The following CACNA2D3 variants were observed in gnomAD, a reference collection of about 807,000 sequenced individuals.
The protein encoded by CACNA2D3 is voltage-dependent calcium channel subunit alpha-2/delta-3.
CACNA2D3 carries 60 observed loss-of-function variants against 160.6 expected under a neutral mutation model. The ratio of observed to expected loss-of-function variants is 0.37; its 90% CI spans 0.30 to 0.46. The LOEUF (loss-of-function observed/expected upper bound fraction) is 0.46. Among genes scored for constraint, CACNA2D3 ranks in the 20% least tolerant of loss-of-function variants. The pLI, the probability that CACNA2D3 is intolerant of heterozygous loss-of-function variation, is 1.00. For missense variants in CACNA2D3, 1,205 were observed against 1,365.0 expected (o/e 0.88, Z 1.85); for synonymous variants, 558 against 492.9 (o/e 1.13, Z -1.75).
intron 29 of CACNA2D3, among the ~76,000 whole-genome samples, 191 bp downstream of exon 29, chr3:54,970,035 A>T (rs1386555255): frequency 1.3e-5 from 2 of 151,608 alleles, no homozygotes; most frequent in East Asian, 3.9e-4. Context: ...CCATCAGTTT[A>T]TGACAGCTGG....
At chr3:54,130,639 T>C (rs947217636) in intron 2 of CACNA2D3, among the ~76,000 whole-genome samples, 1 of 152,212 alleles carries the variant, frequency 6.6e-6, no homozygotes, top group Admixed American at 6.5e-5. Flanking sequence ...CTGGCAGAAC[T>C]GAAGCAGCCT....
At chr3:54,801,433 ATTCACCTTC>A (rs1417618447) in intron 13 of CACNA2D3, among the ~76,000 whole-genome samples, 1 of 152,142 alleles carries the variant, frequency 6.6e-6, no homozygotes, top group Non-Finnish European at 1.5e-5. Flanking sequence ...TTAACCAGTA[ATTCACCTTC>A]TTGAAAAGTT....
intron 13 of CACNA2D3, among the ~76,000 whole-genome samples, chr3:54,773,503 A>G (rs1277763037): frequency 6.6e-6 from 1 of 152,210 alleles, no homozygotes. Context: ...TGGGACCTCT[A>G]TTTCATAGCA....
chr3:54,176,945 C>T (rs1161416238), intron 2 of CACNA2D3, among the ~76,000 whole-genome samples: 1 of 152,150 alleles, frequency 6.6e-6, no homozygotes, highest in African/African-American at 2.4e-5. Flanking sequence ...CCTTGGTTTC[C>T]AGTATAGCCC....
chr3:54,164,039 A>G (rs1700401458), intron 2 of CACNA2D3, among the ~76,000 whole-genome samples: 1 of 152,210 alleles, frequency 6.6e-6, no homozygotes. Context: ...ATGGCCAGCC[A>G]CGCGGTGGAG....
intron 35 of CACNA2D3, among the ~76,000 whole-genome samples, chr3:55,071,646 A>G (rs547469672): frequency 6.6e-6 from 1 of 152,202 alleles, no homozygotes; most frequent in South Asian, 2.1e-4. Flanking sequence ...GGAAGCTTTT[A>G]GGATTGGTCT....
At chr3:54,514,920 CT>C (rs1317417419) in intron 5 of CACNA2D3, among the ~76,000 whole-genome samples, 3 of 152,138 alleles carry the variant, frequency 2.0e-5, no homozygotes, top group African/African-American at 7.2e-5. Context: ...CACTATCTAC[CT>C]GAGATGTTCA....
chr3:54,637,341 G>T (rs990933509), intron 10 of CACNA2D3, among the ~76,000 whole-genome samples: 1 of 151,638 alleles, frequency 6.6e-6, no homozygotes, highest in East Asian at 1.9e-4. Context: ...GGGTTAAGGT[G>T]GGGGGATACA....
intron 9 of CACNA2D3, among the ~76,000 whole-genome samples, chr3:54,616,516 T>G (rs1278226525): frequency 6.6e-6 from 1 of 152,144 alleles, no homozygotes; most frequent in Non-Finnish European, 1.5e-5. Flanking sequence ...ACATTCTCTT[T>G]GTTGCAGACA....
chr3:54,901,223 C>G (rs1165786359), intron 27 of CACNA2D3: 1 of 152,236 alleles, frequency 6.6e-6, no homozygotes. Flanking sequence ...AGGCCACATG[C>G]AGCAGCTGTC....
At chr3:55,005,393 A>G (rs1042638632) in intron 32 of CACNA2D3, among the ~76,000 whole-genome samples, 1 of 152,260 alleles carries the variant, frequency 6.6e-6, no homozygotes, top group African/African-American at 2.4e-5. Flanking sequence ...GGATTAATGC[A>G]GCAGCCCCTT....
intron 2 of CACNA2D3, among the ~76,000 whole-genome samples, chr3:54,318,532 A>G (rs1703919004): frequency 6.6e-6 from 1 of 152,000 alleles, no homozygotes. Context: ...TCCAGGGTCA[A>G]CTTAATGCTG....
chr3:54,237,510 C>T (rs1051033114), intron 2 of CACNA2D3, among the ~76,000 whole-genome samples: 2 of 152,038 alleles, frequency 1.3e-5, no homozygotes, highest in Non-Finnish European at 2.9e-5. Flanking sequence ...AAATACAGGT[C>T]CAAAGCATTT....
chr3:54,390,599 G>T (rs958041886), intron 4 of CACNA2D3, among the ~76,000 whole-genome samples: 1 of 152,190 alleles, frequency 6.6e-6, no homozygotes, highest in Non-Finnish European at 1.5e-5. Flanking sequence ...TCCTCTATGG[G>T]TCAAAGTAAA....
At chr3:55,013,372 C>A (rs1357829689) in intron 34 of CACNA2D3, among the ~76,000 whole-genome samples, 1 of 152,204 alleles carries the variant, frequency 6.6e-6, no homozygotes, top group African/African-American at 2.4e-5. Context: ...TGACAGCCCT[C>A]TGCTGGGCAT....
intron 17 of CACNA2D3, among the ~76,000 whole-genome samples, chr3:54,853,798 A>G (rs1224308802): frequency 1.3e-5 from 2 of 152,136 alleles, no homozygotes; most frequent in Non-Finnish European, 2.9e-5. Flanking sequence ...TCTCCCCAGG[A>G]TCACTGACCT....
chr3:54,253,662 G>A (rs1345463624), intron 2 of CACNA2D3, among the ~76,000 whole-genome samples: 15 of 152,164 alleles, frequency 9.9e-5, no homozygotes, highest in Non-Finnish European at 1.5e-5. Context: ...TATGTGTTTT[G>A]ATTTGGAGGA....
chr3:54,885,997 A>G (rs76765468), intron 23 of CACNA2D3, among the ~76,000 whole-genome samples: 74 of 152,292 alleles, frequency 4.9e-4, no homozygotes, highest in Admixed American at 1.1e-3. Context: ...TAGGGTCACG[A>G]CGGGGACACG....
chr3:54,862,391 ACACACACACACACG>A (rs1559608030), intron 17 of CACNA2D3, among the ~76,000 whole-genome samples: 1 of 151,902 alleles, frequency 6.6e-6, no homozygotes, highest in Non-Finnish European at 1.5e-5. Flanking sequence ...ACACACACAC[ACACACACACACACG>A]CACACACACG....
Sources: gnomAD v4.1 joint callset for allele counts (sites outside exome capture counted in the v4.1 genomes callset) on GRCh38, gnomAD v4.1.1 for gene constraint, MANE v1.5 for transcripts, NCBI Gene and HGNC (gene_info 2026-07-23, HGNC 2026-07-21) for gene names.